Variants in PLEC observed in about 807,000 individuals in gnomAD.
PLEC encodes the protein plectin, also known as hemidesmosomal protein 1.
PLEC carries 216 observed loss-of-function variants against 392.8 expected under a neutral mutation model. The ratio of observed to expected loss-of-function variants is 0.55; its 90% CI spans 0.49 to 0.62. PLEC has a LOEUF of 0.62. Ranked by LOEUF, PLEC falls within the 20% of genes least tolerant of loss-of-function variation. The probability of loss-of-function intolerance (pLI) is 0.00; values close to 1 mark genes in which losing one functional copy is unlikely to be tolerated. For missense variants in PLEC, 6,863 were observed against 6,563.4 expected, an observed-to-expected ratio of 1.05 and a Z score of -1.58; for synonymous variants, 3,621 against 2,980.6, an observed-to-expected ratio of 1.21 and a Z score of -7.00.
Position 143,934,805 on chromosome 8 carries a change from C to T in PLEC, c.945+5G>A. ...CCAGGACCCCGCCCCCCACGGCAGG[C>T]CCACCTCAATCTCCTCGAAGCTGGA... On this transcript the variant is annotated splice_donor_5th_base_variant and intron_variant, in intron 9 of 31. Coordinates refer to ENST00000345136, the MANE Select transcript of PLEC (RefSeq NM_201384.3). 1.2e-6 allele frequency: 2 copies of T among 1,611,284 alleles called. No individual in the cohort carries two copies. The highest frequency in any genetic ancestry group is 1.7e-6 in the Non-Finnish European group (2 of 1,179,836).
chr8:143,970,057 CCCT>C (rs1354872774), intron 1 of PLEC, among the ~76,000 whole-genome samples: 2 of 152,082 alleles, frequency 1.3e-5, no homozygotes, highest in Non-Finnish European at 2.9e-5. Flanking sequence ...GTGCCTGGCC[CCCT>C]CCTCATGTGT....
Position 143,938,137 on chromosome 8 carries a change from A to G in PLEC, c.264+14T>C. On this transcript the variant is annotated intron_variant, in intron 3 of 31. Transcript: ENST00000345136. ...GGGGCAGGCGGGGCCCGGAGGGGGC[A>G]GGGGCACACGTACCAGGCTGTCCCC... 1.3e-6 allele frequency: 2 copies of G among 1,591,222 alleles called. No individual in the cohort carries two copies. The highest frequency in any genetic ancestry group is 2.7e-5 in the African/African-American group (2 of 74,700).
At position 143,930,248 on chromosome 8, in the gene PLEC, C is replaced by T. The variant is rs116385960; in HGVS notation, c.2508G>A (p.Pro836=). Reference sequence around the variant, plus strand: ...AGCTGCTGAGCACCTTCCAGTGGGACGGCTGTGCAGGGCCCACCAGCTGGC... The same window carrying T: ...AGCTGCTGAGCACCTTCCAGTGGGATGGCTGTGCAGGGCCCACCAGCTGGC... The part of the protein sequence containing the change: ...DECQLVGPAQ[P]SHWKVLSSSG... Residue 836 remains proline, a synonymous_variant, in exon 21 of 32, where the codon CCG becomes CCA. Transcript: ENST00000345136. 1.5e-4 allele frequency: 232 copies of T among 1,598,834 alleles called. No homozygotes were observed. In the African/African-American group the frequency reaches 2.6e-3, roughly 18 times the overall value.
At position 143,919,057 on chromosome 8, in the gene PLEC, C is replaced by G; in HGVS notation, c.10764G>C (p.Trp3588Cys). 1 of 1,611,424 alleles carries G rather than the reference C, an allele frequency of 6.2e-7. No individual in the cohort carries two copies. The highest frequency in any genetic ancestry group is 8.5e-7 in the Non-Finnish European group (1 of 1,180,000). ...GSHGGSTMSL[W>C]EVMQSDLIPE... ...GGATCAGGTCCGACTGCATCACCTC[C>G]CACAGGGACATGGTGGAGCCGCCGT... is the stretch of plus-strand genomic sequence containing the variant. Residue 3588 changes from tryptophan to cysteine, a missense_variant, in exon 32 of 32, where the codon TGG becomes TGC. Physicochemically the swap from Trp to Cys is radical, Grantham distance 215. Transcript: ENST00000345136.
At position 143,925,958 on chromosome 8, in the gene PLEC, C is replaced by A; in HGVS notation, c.4045-74G>T. 5 of 1,439,246 alleles carry A rather than the reference C, an allele frequency of 3.5e-6. No homozygotes were observed. In the African/African-American group the frequency reaches 5.6e-5, roughly 16 times the overall value. 89.2% of individuals were successfully genotyped at this position (1,439,246 alleles called of 1,614,324 possible). A position where few individuals can be genotyped will look rare whatever the true frequency, so the allele number is the denominator to read the frequency against. On this transcript the variant is annotated intron_variant, in intron 30 of 31. Coordinates refer to ENST00000345136, the MANE Select transcript of PLEC (RefSeq NM_201384.3). The stretch of plus-strand genomic sequence containing the variant: ...GGGCAGGCGCTGACGGGGCACGCAC[C>A]GGCACAGTTCACTCAGACAGCGCGG...
At position 143,935,251 on chromosome 8, in the gene PLEC, G is replaced by A. The variant is rs781926519; in HGVS notation, c.665C>T (p.Ala222Val). 8 of 1,612,100 alleles carry A rather than the reference G, an allele frequency of 5.0e-6. No homozygotes were observed. Among genetic ancestry groups the A allele is most frequent in the East Asian group, 2.2e-5 (1 of 44,878 alleles). The change falls in exon 7 of 32, where the codon GCC becomes GTC. Residue 222 changes from alanine (A) to valine (V), a missense_variant. By Grantham distance (64) the Ala-to-Val change is moderately conservative. Transcript: ENST00000345136. ...CAGGTCCCGCTCCGCCACAGAGAAG[G>A]CCTGGTCCAGGTTCTCCAGGTTGGT... ...RQTNLENLDQAFSVAERDLGV... is the reference protein window; with the variant it reads ...RQTNLENLDQVFSVAERDLGV...
rs1402643907 is a variant in PLEC at position 143,923,564 on chromosome 8, T to C, written c.6365A>G (p.Glu2122Gly). The change falls in exon 31 of 32, where the codon GAG becomes GGG. Residue 2122 changes from glutamate (E) to glycine (G), a missense_variant. Transcript: ENST00000345136. Reference sequence around the variant, plus strand: ...CTGAGCCCGGGCCTGTGCCTGCTCCTCTGCCGACTGCTTCAGCCGCTCGGC... The same window carrying C: ...CTGAGCCCGGGCCTGTGCCTGCTCCCCTGCCGACTGCTTCAGCCGCTCGGC... ...EEAERLKQSAEEQAQARAQAQ... is the reference protein window; with the variant it reads ...EEAERLKQSAGEQAQARAQAQ... 1.9e-6 allele frequency: 3 copies of C among 1,597,348 alleles called. No homozygotes were observed. The highest frequency in any genetic ancestry group is 2.5e-6 in the Non-Finnish European group (3 of 1,178,028).
intron 25 of PLEC, among the ~76,000 whole-genome samples, chr8:143,928,776 G>C (rs1826118522): frequency 6.6e-6 from 1 of 152,168 alleles, no homozygotes; most frequent in East Asian, 1.9e-4. Context: ...CGAGAGGCAG[G>C]GTGCAGGATT....
Position 143,923,397 on chromosome 8 carries a change from G to A in PLEC, c.6532C>T (p.Leu2178=). ...TGCTCCACCTGCGCCTTCTGCCGCA[G>A]CGTCTGCTCGGCGAATTTCTTATGC... ...EKHKKFAEQT[L]RQKAQVEQEL... The change falls in exon 31 of 32, where the codon CTG becomes TTG. Residue 2178 remains leucine, a synonymous_variant. Transcript: ENST00000345136. The A allele has an allele frequency of 6.2e-7, 1 of 1,610,824 alleles. No individual in the cohort carries two copies. Among genetic ancestry groups the A allele is most frequent in the Non-Finnish European group, 8.5e-7 (1 of 1,179,704 alleles).
rs782818956 is a variant in PLEC, at chr8:143,916,602, G to A, written c.13219C>T (p.Pro4407Ser). 1.9e-6 allele frequency: 3 copies of A among 1,610,078 alleles called. No individual in the cohort carries two copies. Among genetic ancestry groups the A allele is most frequent in the Non-Finnish European group, 2.5e-6 (3 of 1,178,926 alleles). The change falls in exon 32 of 32, where the codon CCC (proline) becomes TCC (serine). Residue 4407 changes from proline (P) to serine (S), a missense_variant. Pro to Ser is a moderately conservative substitution (Grantham distance 74). Coordinates refer to ENST00000345136, the MANE Select transcript of PLEC (RefSeq NM_201384.3). ...CCGCGCTGCAGGGCCTCGTCCAGGG[G>A]CACGCGGCCCGGCGTGTCGGGCTCG... ...LIEPDTPGRVPLDEALQRGTV... is the reference protein window; with the variant it reads ...LIEPDTPGRVSLDEALQRGTV...
rs782219877 is a variant in PLEC, at chr8:143,923,332, G to T, written c.6597C>A (p.Asp2199Glu). The part of the protein sequence containing the change: ...TTLRLQLEET[D>E]HQKNLLDEEL... ...CCTCGTCCAGCAGGTTCTTCTGGTG[G>T]TCGGTCTCCTCCAGCTGCAGCCGCA... is the stretch of plus-strand genomic sequence containing the variant. Residue 2199 changes from aspartate to glutamate, a missense_variant, in exon 31 of 32, where the codon GAC (aspartate) becomes GAA (glutamate). Transcript: ENST00000345136. The T allele has an allele frequency of 1.2e-6, 2 of 1,609,990 alleles. No homozygotes were observed. Among genetic ancestry groups the T allele is most frequent in the Non-Finnish European group, 1.7e-6 (2 of 1,179,492 alleles).
intron 1 of PLEC, chr8:143,944,614 G>A: frequency 7.8e-7 from 1 of 1,283,516 alleles, no homozygotes; most frequent in Non-Finnish European, 1.0e-6. Flanking sequence ...AAGGGGCCAG[G>A]ATTTCACAAG....
chr8:143,926,742 G>T, intron 30 of PLEC, 42 bp downstream of exon 30: 2 of 1,502,542 alleles, frequency 1.3e-6, no homozygotes, highest in Non-Finnish European at 1.9e-6. Context: ...AACAGGTGGT[G>T]AGATGGAACC....
chr8:143,949,522 G>A (rs899457516), intron 1 of PLEC, among the ~76,000 whole-genome samples: 2 of 152,152 alleles, frequency 1.3e-5, no homozygotes, highest in African/African-American at 4.8e-5. Context: ...TGTGCGACCT[G>A]GTTCGTACCG....
At chr8:143,932,077 G>A (rs1554716233) in intron 17 of PLEC, 45 bp from the exon 18 acceptor site, 11 of 1,555,322 alleles carry the variant, frequency 7.1e-6, no homozygotes, top group Non-Finnish European at 7.8e-6. Context: ...CGCCCCGCCT[G>A]GGGACCCGGC....
At position 143,925,469 on chromosome 8, in the gene PLEC, G is replaced by A. The variant is rs1554702708; in HGVS notation, c.4460C>T (p.Ala1487Val). 11 of 1,595,666 alleles carry A rather than the reference G, an allele frequency of 6.9e-6. No homozygotes were observed. The highest frequency in any genetic ancestry group is 9.3e-6 in the Non-Finnish European group (11 of 1,177,866). The part of the protein sequence containing the change: ...ALRARAEEAE[A>V]QKRQAQEEAE... ...CTCCTCCTGCGCCTGTCGCTTTTGT[G>A]CCTCAGCCTCCTCCGCCCGTGCACG... Residue 1487 changes from alanine (A) to valine (V), a missense_variant, in exon 31 of 32, where the codon GCA (alanine) becomes GTA (valine). Ala to Val is a moderately conservative substitution (Grantham distance 64). Coordinates refer to ENST00000345136, the MANE Select transcript of PLEC (RefSeq NM_201384.3).
rs782139331 is a variant in PLEC at position 143,935,066 on chromosome 8, G to A, written c.770C>T (p.Ser257Leu). Residue 257 changes from serine (S) to leucine (L), a missense_variant, in exon 8 of 32, where the codon TCG becomes TTG. Coordinates refer to ENST00000345136, the MANE Select transcript of PLEC (RefSeq NM_201384.3). ...CACGCGGGGCATGGCGTCATACAGC[G>A]ACGAGACGTAGGTGATGATGGACTT... ...DEKSIITYVS[S>L]LYDAMPRVPD... is the part of the protein sequence containing the mutation. The A allele has an allele frequency of 1.6e-5, 26 of 1,612,778 alleles. No individual in the cohort carries two copies. Among genetic ancestry groups the A allele is most frequent in the South Asian group, 4.4e-5 (4 of 91,086 alleles).
rs61529674 is a variant in PLEC, at chr8:143,920,398, G to T, written c.9423C>A (p.Gly3141=). The change falls in exon 32 of 32, where the codon GGC becomes GGA. Residue 3141 remains glycine, a synonymous_variant. Coordinates refer to ENST00000345136, the MANE Select transcript of PLEC (RefSeq NM_201384.3). The part of the protein sequence containing the change: ...LRLLDAQLST[G]GIVDPSKSHR... The stretch of plus-strand genomic sequence containing the variant: ...GGCTCTTGCTGGGGTCCACGATGCC[G>T]CCCGTGGACAGCTGGGCGTCCAACA... 4 of 1,591,220 alleles carry T rather than the reference G, an allele frequency of 2.5e-6. No homozygotes were observed. The highest frequency in any genetic ancestry group is 3.4e-6 in the Non-Finnish European group (4 of 1,171,920).
intron 1 of PLEC, among the ~76,000 whole-genome samples, chr8:143,971,331 T>C (rs1554744245): frequency 6.6e-6 from 1 of 151,946 alleles, no homozygotes; most frequent in Non-Finnish European, 1.5e-5. Context: ...CCTGCCCTCC[T>C]CAGAACCACC....
Sources: gnomAD v4.1 joint callset for allele counts (sites outside exome capture counted in the v4.1 genomes callset) on GRCh38, gnomAD v4.1.1 for gene constraint, MANE v1.5 for transcripts, NCBI Gene and HGNC (gene_info 2026-07-23, HGNC 2026-07-21) for gene names.